The following TRAM1 variants were observed in gnomAD, a reference collection of about 807,000 sequenced individuals.
The protein encoded by TRAM1 is translocation associated membrane protein 1.
TRAM1 carries 17 observed loss-of-function variants against 48.7 expected under a neutral mutation model. The observed-to-expected ratio is 0.35, with a 90% CI of 0.24 to 0.52. The LOEUF (loss-of-function observed/expected upper bound fraction) is 0.52. Ranked by LOEUF, TRAM1 falls within the 20% of genes least tolerant of loss-of-function variation. The pLI is 0.94. For missense variants in TRAM1, 351 were observed against 441.5 expected (o/e 0.79, Z 1.84); for synonymous variants, 182 against 154.0 (o/e 1.18, Z -1.34).
chr8:70,600,327 A>T (rs959372461), intron 1 of TRAM1, among the ~76,000 whole-genome samples: 24 of 152,206 alleles, frequency 1.6e-4, no homozygotes, highest in Non-Finnish European at 2.9e-4. Flanking sequence ...ATTTCAAAAG[A>T]CATTTTCTGC....
chr8:70,573,635 A>G lies in TRAM1; in HGVS notation c.*1297T>C, dbSNP rs896391777. The G allele has an allele frequency of 6.6e-6, 1 of 152,638 alleles. No homozygotes were observed. Among genetic ancestry groups the G allele is most frequent in the African/African-American group, 2.4e-5 (1 of 41,452 alleles). The allele number at this position is 152,638 out of a possible 1,614,324, so 9.5% of individuals were successfully genotyped here. A position where few individuals can be genotyped will look rare whatever the true frequency, so the allele number is the denominator to read the frequency against. ...CTAGCAGCATGGCAACTTAAACTGC[A>G]GATCTAATAGGTCTGCAACTTTTAC... is the stretch of plus-strand genomic sequence containing the variant. On this transcript the variant is annotated 3_prime_UTR_variant, in exon 11 of 11. Transcript: ENST00000262213.
chr8:70,595,171 T>C (rs989901876), intron 5 of TRAM1, among the ~76,000 whole-genome samples: 3 of 151,990 alleles, frequency 2.0e-5, no homozygotes, highest in Admixed American at 6.6e-5. Flanking sequence ...CCAGGAGCTA[T>C]ATCATAATCA....
At chr8:70,582,282 T>C (rs888531538) in intron 10 of TRAM1, among the ~76,000 whole-genome samples, 3 of 150,946 alleles carry the variant, frequency 2.0e-5, no homozygotes, top group Non-Finnish European at 4.4e-5. Flanking sequence ...ATTGACCAGG[T>C]TGTATAATTT....
At chr8:70,581,508 TA>T (rs1340618175) in intron 10 of TRAM1, among the ~76,000 whole-genome samples, 1 of 152,238 alleles carries the variant, frequency 6.6e-6, no homozygotes, top group African/African-American at 2.4e-5. Flanking sequence ...ATCAAGATGC[TA>T]AACTGAGTGT....
chr8:70,597,216 T>C (rs1173084281), intron 4 of TRAM1, among the ~76,000 whole-genome samples: 1 of 152,208 alleles, frequency 6.6e-6, no homozygotes, highest in Non-Finnish European at 1.5e-5. Flanking sequence ...GTTAGAGTGA[T>C]ACAACTAAAG....
At chr8:70,583,975 T>C (rs1817144665) in intron 8 of TRAM1, among the ~76,000 whole-genome samples, 182 bp from the exon 9 acceptor site, 1 of 152,060 alleles carries the variant, frequency 6.6e-6, no homozygotes, top group Non-Finnish European at 1.5e-5. Context: ...ATTGCGCCAC[T>C]GCACTCCAGC....
chr8:70,600,730 T>C (rs1171412600), intron 1 of TRAM1, among the ~76,000 whole-genome samples: 2 of 152,234 alleles, frequency 1.3e-5, no homozygotes, highest in East Asian at 3.8e-4. Context: ...TAAACTGTTA[T>C]AATACTGTAG....
At chr8:70,576,850 A>G (rs372170) in intron 10 of TRAM1, among the ~76,000 whole-genome samples, 111,140 of 151,768 alleles carry the variant, frequency 0.73, 42,406 homozygotes, top group Non-Finnish European at 0.85. Context: ...TTCGGTGTTC[A>G]GGAAGCCCTA....
At chr8:70,604,619 G>T (rs531717238) in intron 1 of TRAM1, among the ~76,000 whole-genome samples, 1 of 151,286 alleles carries the variant, frequency 6.6e-6, no homozygotes, top group African/African-American at 2.4e-5. Flanking sequence ...TCTGACCTGA[G>T]CACCTTACCT....
chr8:70,604,077 T>A (rs538461774), intron 1 of TRAM1, among the ~76,000 whole-genome samples: 2 of 152,278 alleles, frequency 1.3e-5, no homozygotes, highest in East Asian at 3.9e-4. Flanking sequence ...CACTCGAAAG[T>A]AAAAATACCT....
intron 2 of TRAM1, among the ~76,000 whole-genome samples, chr8:70,598,460 A>G (rs551941121): frequency 1.5e-4 from 23 of 152,352 alleles, no homozygotes; most frequent in Non-Finnish European, 3.2e-4. Flanking sequence ...AGCTTTAGAA[A>G]TTACTTACAA....
intron 8 of TRAM1, among the ~76,000 whole-genome samples, chr8:70,584,121 G>A (rs554740494): frequency 6.6e-6 from 1 of 152,230 alleles, no homozygotes; most frequent in African/African-American, 2.4e-5. Context: ...CAAATATCTG[G>A]GAAAGGCTAT....
chr8:70,590,951 C>T (rs542745886), intron 6 of TRAM1, among the ~76,000 whole-genome samples: 2 of 151,340 alleles, frequency 1.3e-5, no homozygotes, highest in African/African-American at 4.9e-5. Flanking sequence ...AGCTGAGGGA[C>T]CTTAGGCAAG....
chr8:70,595,038 G>GTTTTTT (rs11464494), intron 5 of TRAM1, among the ~76,000 whole-genome samples: 6 of 146,026 alleles, frequency 4.1e-5, no homozygotes, highest in Non-Finnish European at 3.0e-5. Flanking sequence ...AATATCCTCT[G>GTTTTTT]TTTTTTTTTT....
chr8:70,594,305 G>GTT (rs71560423), intron 6 of TRAM1, among the ~76,000 whole-genome samples: 1,934 of 126,000 alleles, frequency 0.015, 56 homozygotes, highest in East Asian at 0.037. Context: ...CTGACTGAAG[G>GTT]TTTTTTTTTT....
chr8:70,596,599 T>G (rs1226906082), intron 4 of TRAM1, among the ~76,000 whole-genome samples: 1 of 152,028 alleles, frequency 6.6e-6, no homozygotes, highest in African/African-American at 2.4e-5. Flanking sequence ...AAAATACACG[T>G]ACACAAACAA....
At chr8:70,592,525 T>G (rs1327872709) in intron 6 of TRAM1, among the ~76,000 whole-genome samples, 2 of 152,246 alleles carry the variant, frequency 1.3e-5, no homozygotes, top group African/African-American at 2.4e-5. Context: ...TTATGCAAAT[T>G]ATTCCATAAA....
chr8:70,606,893 A>G lies in TRAM1; in HGVS notation c.123+1184T>C, dbSNP rs936311446. 5.4e-5 allele frequency: 53 copies of G among 985,138 alleles called. 1 individual carries two copies. The East Asian group carries it at 3.4e-3, about 63-fold the overall frequency. The allele number at this position is 985,138 out of a possible 1,614,324, so 61.0% of individuals were successfully genotyped here. A position where few individuals can be genotyped will look rare whatever the true frequency, so the allele number is the denominator to read the frequency against. ...TGTATTCACCTTTTGGTCACTGGTA[A>G]TATCATTCCATTAGGTTTTCTCAAG... On this transcript the variant is annotated intron_variant, in intron 1 of 10. Transcript: ENST00000262213.
intron 1 of TRAM1, among the ~76,000 whole-genome samples, chr8:70,604,462 T>C (rs1468128960): frequency 6.6e-6 from 1 of 152,076 alleles, no homozygotes; most frequent in Non-Finnish European, 1.5e-5. Context: ...GAGGGGAGGA[T>C]CACTTGAGCC....
Sources: gnomAD v4.1 joint callset for allele counts (sites outside exome capture counted in the v4.1 genomes callset) on GRCh38, gnomAD v4.1.1 for gene constraint, MANE v1.5 for transcripts, NCBI Gene and HGNC (gene_info 2026-07-23, HGNC 2026-07-21) for gene names.